The following PCDH9 variants were observed in gnomAD, a reference collection of about 807,000 sequenced individuals.
The protein encoded by PCDH9 is protocadherin 9.
Under a neutral mutation model 70.6 loss-of-function variants are expected in PCDH9, and 24 were observed. That is an observed-to-expected ratio of 0.34 (90% CI 0.25 to 0.48). PCDH9 has a LOEUF of 0.48. Ranked by LOEUF, PCDH9 falls within the 20% of genes least tolerant of loss-of-function variation. PCDH9 has a pLI of 0.99. For missense variants in PCDH9, 1,281 were observed against 1,503.6 expected (o/e 0.85, Z 2.45); for synonymous variants, 562 against 558.5 (o/e 1.01, Z -0.09).
At chr13:66,445,593 ATT>A (rs1491109800) in intron 4 of PCDH9, among the ~76,000 whole-genome samples, 29 of 143,798 alleles carry the variant, frequency 2.0e-4, no homozygotes, top group African/African-American at 6.4e-4. Flanking sequence ...ACACATATAT[ATT>A]ATATACACAT....
chr13:67,077,503 C>A, intron 2 of PCDH9, among the ~76,000 whole-genome samples: 1 of 152,302 alleles, frequency 6.6e-6, no homozygotes, highest in South Asian at 2.1e-4. Flanking sequence ...ACAAATATCA[C>A]CACTTGATAT....
At chr13:67,056,413 T>G (rs183353871) in intron 2 of PCDH9, among the ~76,000 whole-genome samples, 1 of 152,166 alleles carries the variant, frequency 6.6e-6, no homozygotes, top group East Asian at 1.9e-4. Flanking sequence ...GCATAGTCAA[T>G]TATTACTTAT....
At chr13:66,994,602 C>T (rs900723081) in intron 2 of PCDH9, among the ~76,000 whole-genome samples, 1 of 152,184 alleles carries the variant, frequency 6.6e-6, no homozygotes, top group African/African-American at 2.4e-5. Flanking sequence ...TAAAAACAAG[C>T]TGAGGTACTG....
At chr13:66,874,454 A>G (rs1014234104) in intron 3 of PCDH9, among the ~76,000 whole-genome samples, 6 of 152,106 alleles carry the variant, frequency 3.9e-5, no homozygotes, top group African/African-American at 1.4e-4. Context: ...ACTTTATACT[A>G]TGTGCAGATA....
intron 4 of PCDH9, among the ~76,000 whole-genome samples, chr13:66,310,110 G>T (rs1471731904): frequency 6.6e-6 from 1 of 151,504 alleles, no homozygotes; most frequent in Admixed American, 6.6e-5. Flanking sequence ...TCTGAGTTTG[G>T]TTATCCTTGG....
intron 3 of PCDH9, among the ~76,000 whole-genome samples, chr13:66,837,415 G>A (rs2081039876): frequency 1.3e-5 from 2 of 152,120 alleles, no homozygotes; most frequent in Non-Finnish European, 2.9e-5. Context: ...TGCCCACAAC[G>A]AGGCAAAAAC....
At chr13:67,029,397 T>C (rs1287935201) in intron 2 of PCDH9, among the ~76,000 whole-genome samples, 3 of 152,202 alleles carry the variant, frequency 2.0e-5, no homozygotes, top group Non-Finnish European at 4.4e-5. Context: ...AAATATTCTA[T>C]ATACACTCTT....
chr13:66,738,772 C>T (rs565427281), intron 3 of PCDH9, among the ~76,000 whole-genome samples: 337 of 151,492 alleles, frequency 2.2e-3, no homozygotes, highest in Middle Eastern at 3.4e-3. Flanking sequence ...TGAAATGAAG[C>T]GAGAAGGGAA....
intron 4 of PCDH9, among the ~76,000 whole-genome samples, chr13:66,483,971 G>A (rs1204178095): frequency 6.6e-6 from 1 of 152,048 alleles, no homozygotes; most frequent in Non-Finnish European, 1.5e-5. Context: ...ATGCCTGCAG[G>A]CCATCAACCG....
intron 2 of PCDH9, among the ~76,000 whole-genome samples, chr13:66,946,963 A>G (rs1031392803): frequency 1.3e-5 from 2 of 152,174 alleles, no homozygotes; most frequent in Non-Finnish European, 2.9e-5. Context: ...CCTTAACTTT[A>G]AAACACAGAG....
At chr13:66,612,228 A>G (rs1293298570) in intron 4 of PCDH9, among the ~76,000 whole-genome samples, 1 of 152,214 alleles carries the variant, frequency 6.6e-6, no homozygotes, top group African/African-American at 2.4e-5. Flanking sequence ...TGATGTGCCA[A>G]AAGGACCACT....
chr13:66,841,006 GTCTCTCTGAA>G (rs2081108096), intron 3 of PCDH9, among the ~76,000 whole-genome samples: 1 of 152,186 alleles, frequency 6.6e-6, no homozygotes, highest in Admixed American at 6.5e-5. Flanking sequence ...TCGGTGGCTT[GTCTCTCTGAA>G]TTCTCATGTA....
chr13:66,724,617 C>T (rs541822449), intron 3 of PCDH9, among the ~76,000 whole-genome samples: 7 of 152,320 alleles, frequency 4.6e-5, no homozygotes, highest in African/African-American at 1.7e-4. Context: ...AAGGTCAGGA[C>T]TTCGTCAACA....
chr13:66,738,228 G>T (rs1195054007), intron 3 of PCDH9, among the ~76,000 whole-genome samples: 1 of 151,338 alleles, frequency 6.6e-6, no homozygotes, highest in Non-Finnish European at 1.5e-5. Flanking sequence ...CCCAGCAGGG[G>T]CACACTGACA....
At chr13:66,904,928 T>A (rs1475042974) in intron 2 of PCDH9, among the ~76,000 whole-genome samples, 1 of 152,034 alleles carries the variant, frequency 6.6e-6, no homozygotes, top group Non-Finnish European at 1.5e-5. Context: ...CCTTTTAGCA[T>A]GAAAAAATAT....
At chr13:66,711,905 A>G (rs2078799946) in intron 3 of PCDH9, among the ~76,000 whole-genome samples, 1 of 152,110 alleles carries the variant, frequency 6.6e-6, no homozygotes, top group South Asian at 2.1e-4. Context: ...AAACTCACCA[A>G]CAGCAACTTT....
chr13:66,458,127 C>T (rs891945843), intron 4 of PCDH9, among the ~76,000 whole-genome samples: 7 of 151,968 alleles, frequency 4.6e-5, no homozygotes, highest in African/African-American at 1.4e-4. Context: ...GAAATAAAAA[C>T]TTTAACTCCC....
In PCDH9 at chr13:66,811,606, T is replaced by TCTGCCTGCCTAACCTGCCTTC. The variant is rs563644875; in HGVS notation, c.3138+91877_3138+91897dup. ...CCCTCCCTTTCTTCCTTCCTACCTG[T>TCTGCCTGCCTAACCTGCCTTC]CTGCCTGCCTAACCTGCCTTCCTGC... On this transcript the variant is annotated intron_variant, in intron 3 of 4. Transcript: ENST00000377865. Among the ~76,000 whole-genome samples, 581 of 140,280 alleles carry TCTGCCTGCCTAACCTGCCTTC rather than the reference T, an allele frequency of 4.1e-3. 6 individuals are homozygous for TCTGCCTGCCTAACCTGCCTTC. Among genetic ancestry groups the TCTGCCTGCCTAACCTGCCTTC allele is most frequent in the African/African-American group, 0.015 (543 of 36,910 alleles). 92.0% of individuals were successfully genotyped at this position (140,280 alleles called of 152,430 possible).
intron 2 of PCDH9, among the ~76,000 whole-genome samples, chr13:67,132,286 G>A (rs17589427): frequency 0.085 from 12,874 of 151,886 alleles, 564 homozygotes; most frequent in African/African-American, 0.092. Context: ...GTACTTTCCC[G>A]CCTCCAAGAA....
Sources: allele counts gnomAD v4.1 joint callset (sites outside exome capture counted in the v4.1 genomes callset), GRCh38; gene constraint gnomAD v4.1.1; transcripts MANE v1.5; gene names NCBI Gene and HGNC (gene_info 2026-07-23, HGNC 2026-07-21).